ADAMTSL1: variants seen among roughly 807,000 people sequenced by gnomAD.
The protein encoded by ADAMTSL1 is ADAMTS like 1.
A neutral mutation model predicts 201.8 loss-of-function variants in ADAMTSL1; 126 were observed. That is an observed-to-expected ratio of 0.62 (90% CI 0.54 to 0.72). The LOEUF (loss-of-function observed/expected upper bound fraction) is 0.72. ADAMTSL1 is among the 30% of genes least tolerant of loss of function. ADAMTSL1 has a pLI of 0.00. For missense variants in ADAMTSL1, 2,679 were observed against 2,277.8 expected, an observed-to-expected ratio of 1.18 and a Z score of -3.59; for synonymous variants, 1,121 against 903.4, an observed-to-expected ratio of 1.24 and a Z score of -4.32.
intron 1 of ADAMTSL1, among the ~76,000 whole-genome samples, chr9:18,072,028 G>C (rs1822993936): frequency 6.6e-6 from 1 of 152,136 alleles, no homozygotes; most frequent in South Asian, 2.1e-4. Context: ...GCTCTTAGCT[G>C]TCCCTGGCAA....
At chr9:18,165,453 A>G (rs1035036563) in intron 2 of ADAMTSL1, among the ~76,000 whole-genome samples, 2 of 151,956 alleles carry the variant, frequency 1.3e-5, no homozygotes, top group East Asian at 1.9e-4. Context: ...TGTCATAAAC[A>G]TTATTATTAC....
intron 2 of ADAMTSL1, among the ~76,000 whole-genome samples, chr9:18,186,507 AT>A (rs1312571409): frequency 6.6e-6 from 1 of 152,072 alleles, no homozygotes; most frequent in Non-Finnish European, 1.5e-5. Flanking sequence ...CTGAGACTTC[AT>A]TTTGCCGACT....
At chr9:18,383,222 G>T (rs1295933613) in intron 2 of ADAMTSL1, among the ~76,000 whole-genome samples, 1 of 152,132 alleles carries the variant, frequency 6.6e-6, no homozygotes, top group East Asian at 1.9e-4. Context: ...ATGTCGCAAA[G>T]TCTTCTATAC....
rs180823275 is a variant in ADAMTSL1, at chr9:17,910,801, A to C, written c.87+3879A>C. On this transcript the variant is annotated intron_variant, in intron 1 of 29. Coordinates refer to the ADAMTSL1 transcript ENST00000680146. ...CATATAGGCATTATATTTAACCATC[A>C]AATTAAACAGATCAGAAATTTGAGG... Among the ~76,000 whole-genome samples the C allele has an allele frequency of 3.7e-3, 256 of 69,382 alleles. 64 individuals carry two copies. The highest frequency in any genetic ancestry group is 7.2e-3 in the African/African-American group (246 of 34,390). 45.5% of individuals were successfully genotyped at this position (69,382 alleles called of 152,430 possible).
intron 2 of ADAMTSL1, among the ~76,000 whole-genome samples, chr9:18,315,351 G>T (rs1159945086): frequency 1.3e-5 from 2 of 152,150 alleles, no homozygotes; most frequent in Non-Finnish European, 2.9e-5. Context: ...AGGCGGAGCT[G>T]CCTGTCAGTC....
intron 2 of ADAMTSL1, among the ~76,000 whole-genome samples, chr9:18,244,321 G>GTATAATC (rs960771079): frequency 1.3e-5 from 2 of 151,994 alleles, no homozygotes; most frequent in Non-Finnish European, 2.9e-5. Flanking sequence ...TTCTCTTCAT[G>GTATAATC]TATAAAACAT....
chr9:18,503,417 T>TTGTG lies in ADAMTSL1; in HGVS notation c.64-1410_64-1407dup, dbSNP rs1437008025. On this transcript the variant is annotated intron_variant, in intron 1 of 28. Coordinates refer to ENST00000380548, the MANE Select transcript of ADAMTSL1 (RefSeq NM_001040272.6). ...CTTTTTAAGGCTGAATAGTATTCCA[T>TTGTG]TGTGTATATATATATATATATATAC... 1.3e-4 allele frequency among the ~76,000 whole-genome samples: 8 copies of TTGTG among 62,330 alleles called. No homozygotes were observed. In the East Asian group the frequency reaches 1.6e-3, roughly 12 times the overall value. 40.9% of individuals were successfully genotyped at this position (62,330 alleles called of 152,430 possible).
chr9:18,486,550 C>G (rs1273338725), intron 1 of ADAMTSL1, among the ~76,000 whole-genome samples: 1 of 152,040 alleles, frequency 6.6e-6, no homozygotes. Flanking sequence ...AGAAAAAATG[C>G]AAAAATTGGA....
intron 2 of ADAMTSL1, among the ~76,000 whole-genome samples, chr9:18,226,572 A>T (rs1830439512): frequency 6.6e-6 from 1 of 152,060 alleles, no homozygotes; most frequent in Non-Finnish European, 1.5e-5. Context: ...TTTCAGTTTC[A>T]TTCTTCCTTC....
chr9:18,885,081 T>C (rs1460229771), intron 23 of ADAMTSL1, among the ~76,000 whole-genome samples: 2 of 152,180 alleles, frequency 1.3e-5, no homozygotes, highest in South Asian at 2.1e-4. Flanking sequence ...TTTTGTCGTT[T>C]TCAGTGTTCA....
intron 2 of ADAMTSL1, among the ~76,000 whole-genome samples, chr9:18,423,162 A>C (rs1819040434): frequency 6.6e-6 from 1 of 152,196 alleles, no homozygotes; most frequent in Non-Finnish European, 1.5e-5. Context: ...GTAGGAACTA[A>C]CCTGGCTCTG....
intron 2 of ADAMTSL1, among the ~76,000 whole-genome samples, chr9:18,526,343 A>G (rs2132063335): frequency 6.6e-6 from 1 of 152,296 alleles, no homozygotes. Context: ...TCTGCACATG[A>G]GATGGGTCTC....
intron 1 of ADAMTSL1, among the ~76,000 whole-genome samples, chr9:17,971,371 T>G (rs900797480): frequency 6.6e-6 from 1 of 152,076 alleles, no homozygotes; most frequent in Non-Finnish European, 1.5e-5. Context: ...CTTAAATTTG[T>G]TTTAGCTTCT....
chr9:18,873,244 C>A (rs577992919), intron 23 of ADAMTSL1, among the ~76,000 whole-genome samples: 1 of 152,068 alleles, frequency 6.6e-6, no homozygotes, highest in Non-Finnish European at 1.5e-5. Flanking sequence ...TCCCACTCTG[C>A]GAGCTTCTGT....
intron 2 of ADAMTSL1, among the ~76,000 whole-genome samples, chr9:18,167,504 A>G (rs1476293887): frequency 6.6e-6 from 1 of 151,954 alleles, no homozygotes; most frequent in East Asian, 1.9e-4. Context: ...AGGGCAAGTC[A>G]TTAATTTGCT....
chr9:18,381,835 C>T (rs565511178), intron 2 of ADAMTSL1, among the ~76,000 whole-genome samples: 6 of 151,716 alleles, frequency 4.0e-5, no homozygotes, highest in South Asian at 2.1e-4. Context: ...ACTATCTCAC[C>T]GTCATCAGTA....
chr9:18,143,213 T>C (rs1826478027), intron 1 of ADAMTSL1, among the ~76,000 whole-genome samples: 1 of 152,198 alleles, frequency 6.6e-6, no homozygotes, highest in Non-Finnish European at 1.5e-5. Context: ...TTTAAGACTC[T>C]GGATTGGCAT....
At chr9:18,460,072 A>G (rs951799143) in intron 2 of ADAMTSL1, among the ~76,000 whole-genome samples, 4 of 152,218 alleles carry the variant, frequency 2.6e-5, no homozygotes, top group Non-Finnish European at 5.9e-5. Context: ...TGACTCTAGT[A>G]GAAAAAGTGG....
intron 2 of ADAMTSL1, among the ~76,000 whole-genome samples, chr9:18,530,604 C>G (rs1819384153): frequency 6.6e-6 from 1 of 152,052 alleles, no homozygotes; most frequent in Non-Finnish European, 1.5e-5. Flanking sequence ...GCCTCTATGC[C>G]TTTGCTTAGT....
Sources: allele counts gnomAD v4.1 joint callset (sites outside exome capture counted in the v4.1 genomes callset), GRCh38; gene constraint gnomAD v4.1.1; transcripts MANE v1.5; gene names NCBI Gene and HGNC (gene_info 2026-07-23, HGNC 2026-07-21).